Variants in ZNF326 observed in about 807,000 individuals in gnomAD.
ZNF326 encodes the protein DBIRD complex subunit ZNF326.
Under a neutral mutation model 63.1 loss-of-function variants are expected in ZNF326, and 30 were observed. The observed-to-expected ratio is 0.48, with a 90% confidence interval of 0.36 to 0.64. ZNF326 has a LOEUF of 0.64. ZNF326 is among the 30% of genes least tolerant of loss of function. ZNF326 has a pLI of 0.00. For missense variants in ZNF326, 609 were observed against 720.3 expected (o/e 0.85, Z 1.77); for synonymous variants, 194 against 228.2 (o/e 0.85, Z 1.35).
chr1:90,001,554 A>AT (rs879277848), intron 2 of ZNF326, among the ~76,000 whole-genome samples: 1,627 of 58,556 alleles, frequency 0.028, 16 homozygotes, highest in South Asian at 0.064. Context: ...GTCAGTTTTT[A>AT]ATTTTTTTTT....
intron 7 of ZNF326, 27 bp downstream of exon 7, chr1:90,013,264 G>T (rs1195719876): frequency 4.8e-6 from 7 of 1,470,036 alleles, no homozygotes; most frequent in Non-Finnish European, 6.4e-6. Flanking sequence ...AGAAAATTAG[G>T]TTCATTAAAA....
At chr1:90,022,416 C>A (rs1281274754) in intron 11 of ZNF326, 71 bp downstream of exon 11, 2 of 1,110,220 alleles carry the variant, frequency 1.8e-6, no homozygotes, top group Non-Finnish European at 2.7e-6. Flanking sequence ...GACATAGTAA[C>A]CTTTTGTGAT....
rs569031221 is a variant in ZNF326 at position 89,995,240 on chromosome 1, C to T, written c.-18C>T. ...CTCAGCCTAGCGCCGCCAAGGCCGA[C>T]GGCCCTCAGCCTCTGCCATGGACTT... On this transcript the variant is annotated 5_prime_UTR_variant, in exon 1 of 12. In the 5' UTR this introduces an upstream ATG that the reference lacks. Coordinates refer to ENST00000340281, the MANE Select transcript of ZNF326 (RefSeq NM_182976.4). The T allele has an allele frequency of 2.6e-6, 4 of 1,547,952 alleles. No homozygotes were observed. The highest frequency in any genetic ancestry group is 1.2e-5 in the South Asian group (1 of 83,710).
chr1:90,000,521 A>T (rs1316937769), intron 2 of ZNF326, among the ~76,000 whole-genome samples: 1 of 152,176 alleles, frequency 6.6e-6, no homozygotes, highest in Non-Finnish European at 1.5e-5. Flanking sequence ...CAACATAGTG[A>T]GACCCTGTCT....
At position 90,018,799 on chromosome 1, in the gene ZNF326, CAA is replaced by C. The variant is rs1161038605; in HGVS notation, c.1174+17_1174+18del. 3 of 1,418,928 alleles carry C rather than the reference CAA, an allele frequency of 2.1e-6. No individual in the cohort carries two copies. The highest frequency in any genetic ancestry group is 1.9e-6 in the Non-Finnish European group (2 of 1,033,842). The allele number at this position is 1,418,928 out of a possible 1,614,324, so 87.9% of individuals were successfully genotyped here. A position where few individuals can be genotyped will look rare whatever the true frequency, so the allele number is the denominator to read the frequency against. On this transcript the variant is annotated intron_variant, in intron 9 of 11. Transcript: ENST00000340281. The stretch of plus-strand genomic sequence containing the variant: ...TGTTATGGAAGGTAAGTATTTAAAA[CAA>C]ATTATTTTAAAATTCTACATGTATT...
chr1:90,020,186 C>T (rs938977786), intron 9 of ZNF326, among the ~76,000 whole-genome samples: 1 of 152,038 alleles, frequency 6.6e-6, no homozygotes, highest in Admixed American at 6.6e-5. Context: ...TTCATCCTCT[C>T]CAGGATCAAG....
intron 1 of ZNF326, among the ~76,000 whole-genome samples, chr1:89,996,152 T>G (rs906653641): frequency 2.0e-5 from 3 of 152,216 alleles, no homozygotes; most frequent in Non-Finnish European, 4.4e-5. Flanking sequence ...ACTTTTGTTT[T>G]CAAACCTTGC....
intron 4 of ZNF326, 184 bp downstream of exon 4, chr1:90,005,428 G>A (rs991980215): frequency 1.4e-5 from 18 of 1,317,216 alleles, no homozygotes; most frequent in African/African-American, 1.4e-4. Flanking sequence ...ACTGGCAGAC[G>A]TTATTTTAGG....
In ZNF326 at chr1:90,031,971, C is replaced by A. The variant is rs1251546064; in HGVS notation, c.*4270C>A. The A allele has an allele frequency of 6.6e-6, 1 of 152,126 alleles. No individual in the cohort carries two copies. Among genetic ancestry groups the A allele is most frequent in the East Asian group, 1.9e-4 (1 of 5,200 alleles). The allele number at this position is 152,126 out of a possible 1,614,324, so 9.4% of individuals were successfully genotyped here. On this transcript the variant is annotated 3_prime_UTR_variant, in exon 12 of 12. Coordinates refer to ENST00000340281, the MANE Select transcript of ZNF326 (RefSeq NM_182976.4). ...AGTTACAGTTCATTTTATAAATAAACAATTGACTTTTTTTGGTAGTTATGG... is the reference window on the plus strand; with the variant it reads ...AGTTACAGTTCATTTTATAAATAAAAAATTGACTTTTTTTGGTAGTTATGG...
Position 89,995,112 on chromosome 1 carries a change from C to G in ZNF326, c.-146C>G. The G allele has an allele frequency of 2.3e-5, 23 of 985,106 alleles. No homozygotes were observed. Among genetic ancestry groups the G allele is most frequent in the Non-Finnish European group, 3.3e-5 (23 of 689,240 alleles). The allele number at this position is 985,106 out of a possible 1,614,324, so 61.0% of individuals were successfully genotyped here. On this transcript the variant is annotated 5_prime_UTR_variant, in exon 1 of 12. Coordinates refer to ENST00000340281, the MANE Select transcript of ZNF326 (RefSeq NM_182976.4). ...GCGCCGGTCGGCCCCGCCTCCCCAG[C>G]CTCGCTGTGGCCTGCGGCTCCCGGG...
intron 7 of ZNF326, among the ~76,000 whole-genome samples, chr1:90,016,188 G>A (rs986082512): frequency 3.3e-5 from 5 of 151,834 alleles, no homozygotes; most frequent in African/African-American, 9.7e-5. Flanking sequence ...CTCTGTGAGC[G>A]TTCTCATCTC....
rs192089806 is a variant in ZNF326 at position 90,004,324 on chromosome 1, G to A, written c.62-679G>A. Among the ~76,000 whole-genome samples, 199 of 152,248 alleles carry A rather than the reference G, an allele frequency of 1.3e-3. 1 individual carries two copies. The highest frequency in any genetic ancestry group is 4.5e-3 in the African/African-American group (186 of 41,556). On this transcript the variant is annotated intron_variant, in intron 2 of 11. Transcript: ENST00000340281. ...TATCTGTTTCAATTACTGTGAACAA[G>A]GCTAATTGGAAATGTGGCTGCTTCT... is the stretch of plus-strand genomic sequence containing the variant.
At chr1:90,017,273 T>C in intron 7 of ZNF326, 44 bp from the exon 8 acceptor site, 1 of 1,361,990 alleles carries the variant, frequency 7.3e-7, no homozygotes, top group East Asian at 2.5e-5. Flanking sequence ...TCTTTATAGT[T>C]GAATAAAGTA....
At chr1:90,006,300 A>G in intron 4 of ZNF326, 1 of 979,188 alleles carries the variant, frequency 1.0e-6, no homozygotes, top group Non-Finnish European at 1.2e-6. Context: ...AAATAATTGA[A>G]GTAATGTAAC....
chr1:90,020,884 C>T lies in ZNF326; in HGVS notation c.1267C>T (p.Gln423Ter). The T allele has an allele frequency of 6.2e-7, 1 of 1,613,158 alleles. No homozygotes were observed. Among genetic ancestry groups the T allele is most frequent in the Non-Finnish European group, 8.5e-7 (1 of 1,179,372 alleles). Residue 423 changes from glutamine (Q) to a stop codon, truncating the protein, a stop_gained, in exon 10 of 12, where the codon CAG (glutamine) becomes TAG (stop). Transcript: ENST00000340281. LOFTEE classifies it high-confidence loss of function. ...CCCTGCTTTACATAGTTCAGTTCAG[C>T]AGCACTTAAAATCTCCTGATCATAT... ...YIPALHSSVQ[Q>*]HLKSPDHIKG... is the part of the protein sequence containing the mutation.
At chr1:90,013,500 C>T in intron 7 of ZNF326, among the ~76,000 whole-genome samples, 1 of 152,096 alleles carries the variant, frequency 6.6e-6, no homozygotes, top group Non-Finnish European at 1.5e-5. Context: ...AAACACTTGT[C>T]ATTGAGATTT....
At position 89,995,136 on chromosome 1, in the gene ZNF326, G is replaced by A. The variant is rs562397548; in HGVS notation, c.-122G>A. 1.6e-6 allele frequency: 2 copies of A among 1,263,598 alleles called. No homozygotes were observed. Among genetic ancestry groups the A allele is most frequent in the South Asian group, 1.3e-5 (1 of 74,196 alleles). 78.3% of individuals were successfully genotyped at this position (1,263,598 alleles called of 1,614,324 possible). On this transcript the variant is annotated 5_prime_UTR_variant, in exon 1 of 12. Coordinates refer to ENST00000340281, the MANE Select transcript of ZNF326 (RefSeq NM_182976.4). Reference sequence around the variant, plus strand: ...GCCTCGCTGTGGCCTGCGGCTCCCGGGCTGGTAGCGCGCCGCTCTCGGTCG... The same window carrying A: ...GCCTCGCTGTGGCCTGCGGCTCCCGAGCTGGTAGCGCGCCGCTCTCGGTCG...
chr1:90,014,527 A>G (rs562231615), intron 7 of ZNF326, among the ~76,000 whole-genome samples: 9 of 152,348 alleles, frequency 5.9e-5, no homozygotes, highest in African/African-American at 2.2e-4. Flanking sequence ...TTGATTTGCT[A>G]ATTAAGGAAT....
In ZNF326 at chr1:90,025,237, A is replaced by T. The variant is rs530829004; in HGVS notation, c.1402-2117A>T. On this transcript the variant is annotated intron_variant, in intron 11 of 11. Coordinates refer to ENST00000340281, the MANE Select transcript of ZNF326 (RefSeq NM_182976.4). ...GCTAAGATAAACAAAAAGCTGCCTA[A>T]GCCCTTTTTTAGGCTTTCTGAATTA... Among the ~76,000 whole-genome samples, 9 of 152,282 alleles carry T rather than the reference A, an allele frequency of 5.9e-5. No individual in the cohort carries two copies. The South Asian group carries it at 1.7e-3, about 28-fold the overall frequency.
Sources: allele counts gnomAD v4.1 joint callset (sites outside exome capture counted in the v4.1 genomes callset), GRCh38; gene constraint gnomAD v4.1.1; transcripts MANE v1.5; gene names NCBI Gene and HGNC (gene_info 2026-07-23, HGNC 2026-07-21).